ADSL: variants seen among roughly 807,000 people sequenced by gnomAD.
The protein encoded by ADSL is adenylosuccinate lyase.
In ADSL, 44 loss-of-function variants were observed where a neutral mutation model predicts 62.1. The ratio of observed to expected loss-of-function variants is 0.71; its 90% CI spans 0.56 to 0.91. The LOEUF (loss-of-function observed/expected upper bound fraction) is 0.91, where lower values mean the gene tolerates loss of function less well. Ranked by LOEUF, ADSL falls within the 40% of genes least tolerant of loss-of-function variation. The probability of loss-of-function intolerance (pLI) is 0.00; values close to 1 mark genes in which losing one functional copy is unlikely to be tolerated. For missense variants in ADSL, 531 were observed against 627.4 expected (o/e 0.85, Z 1.64); for synonymous variants, 198 against 220.5 (o/e 0.90, Z 0.90).
chr22:40,370,995 C>G (rs1432710354), downstream of ADSL, among the ~76,000 whole-genome samples: 1 of 152,214 alleles, frequency 6.6e-6, no homozygotes, highest in Non-Finnish European at 1.5e-5. Flanking sequence ...GCGCTGGCAG[C>G]CGGGAGCGGT....
intron 2 of ADSL, among the ~76,000 whole-genome samples, chr22:40,352,534 G>GA (rs771223049): frequency 4.7e-5 from 7 of 150,046 alleles, no homozygotes; most frequent in Non-Finnish European, 3.0e-5. Flanking sequence ...ATCTTAAAAA[G>GA]AAAAAAAAAG....
intron 7 of ADSL, among the ~76,000 whole-genome samples, chr22:40,360,752 C>T (rs1334116155): frequency 6.9e-6 from 1 of 144,948 alleles, no homozygotes; most frequent in Non-Finnish European, 1.5e-5. Flanking sequence ...GATGGAGTTT[C>T]GCTCTTGTTG....
chr22:40,375,192 T>G (rs2046346850), intron 2 of ADSL, among the ~76,000 whole-genome samples: 2 of 152,198 alleles, frequency 1.3e-5, no homozygotes, highest in African/African-American at 4.8e-5. Context: ...TTTGTATTTG[T>G]TTTTCTCTCT....
At position 40,350,032 on chromosome 22, in the gene ADSL, T is replaced by C. The variant is rs1285710537; in HGVS notation, c.354T>C (p.Asn118=). The change falls in exon 2 of 13, where the codon AAT becomes AAC. Residue 118 remains asparagine (N), a synonymous_variant. Transcript: ENST00000623063. ...CTACTTCTTGCTATGTTGGAGACAATACTGTAGGCGCCTGTGTTGTTTATA... is the reference window on the plus strand; with the variant it reads ...CTACTTCTTGCTATGTTGGAGACAACACTGTAGGCGCCTGTGTTGTTTATA... ...LGATSCYVGD[N]TDLIILRNAL... is the part of the protein sequence containing the mutation. 1.2e-6 allele frequency: 2 copies of C among 1,613,430 alleles called. No homozygotes were observed. The highest frequency in any genetic ancestry group is 1.3e-5 in the African/African-American group (1 of 74,910).
intron 11 of ADSL, 148 bp from the exon 12 acceptor site, chr22:40,364,732 G>A (rs974789829): frequency 4.9e-6 from 4 of 821,166 alleles, no homozygotes; most frequent in Non-Finnish European, 6.1e-6. Flanking sequence ...GAAGACCCTG[G>A]TACAGATAGA....
intron 1 of ADSL, 79 bp downstream of exon 1, chr22:40,346,790 G>T: frequency 6.2e-6 from 9 of 1,459,204 alleles, no homozygotes; most frequent in Non-Finnish European, 8.3e-6. Flanking sequence ...TTCCGGGCTG[G>T]GCTTAGCCAC....
Position 40,366,564 on chromosome 22 carries a change from G to C in ADSL, c.*42G>C. 1 of 1,454,216 alleles carries C rather than the reference G, an allele frequency of 6.9e-7. No individual in the cohort carries two copies. Among genetic ancestry groups the C allele is most frequent in the Non-Finnish European group, 9.7e-7 (1 of 1,034,954 alleles). 90.1% of individuals were successfully genotyped at this position (1,454,216 alleles called of 1,614,324 possible). On this transcript the variant is annotated 3_prime_UTR_variant, in exon 13 of 13. Coordinates refer to ENST00000623063, the MANE Select transcript of ADSL (RefSeq NM_000026.4). ...AACGAAAATCATTGTTAATTGCTGA[G>C]GCATGAAAATTGTGTTACTATAATG...
chr22:40,371,763 C>T (rs991504439), downstream of ADSL, among the ~76,000 whole-genome samples: 1 of 151,884 alleles, frequency 6.6e-6, no homozygotes, highest in African/African-American at 2.4e-5. Flanking sequence ...ATGACATGAT[C>T]TCGGCTCACT....
intron 2 of ADSL, among the ~76,000 whole-genome samples, chr22:40,350,771 A>G (rs925837922): frequency 5.3e-5 from 8 of 151,434 alleles, no homozygotes; most frequent in Admixed American, 5.3e-4. Flanking sequence ...CGCGCCTGCC[A>G]CCACGCCGCC....
Position 40,361,836 on chromosome 22 carries a change from G to A in ADSL, c.1010+201G>A, listed in dbSNP as rs1440348379. 2.0e-5 allele frequency among the ~76,000 whole-genome samples: 3 copies of A among 152,250 alleles called. 1 individual carries two copies. Among genetic ancestry groups the A allele is most frequent in the African/African-American group, 7.2e-5 (3 of 41,474 alleles). On this transcript the variant is annotated intron_variant, in intron 9 of 12. Coordinates refer to ENST00000623063, the MANE Select transcript of ADSL (RefSeq NM_000026.4). ...TGTGTACTGGGTACTGTGGAGCAAA[G>A]AGGAAGGAATAGTGTTTGAGGAGTC...
At chr22:40,351,473 A>G (rs1305285220) in intron 2 of ADSL, among the ~76,000 whole-genome samples, 3 of 151,222 alleles carry the variant, frequency 2.0e-5, no homozygotes, top group African/African-American at 7.3e-5. Context: ...CGCCTGGCAA[A>G]TTTTTAAAAT....
chr22:40,382,841 C>A (rs575191701), intron 2 of ADSL, among the ~76,000 whole-genome samples: 14 of 152,142 alleles, frequency 9.2e-5, no homozygotes, highest in Admixed American at 2.6e-4. Context: ...TACCTATTAT[C>A]CTAATTTTAC....
rs2146653095 is a variant in ADSL, at chr22:40,358,752, C to T, written c.483-112C>T. ...TCTTTACCAGTTACTCCCTCTCTTACTTAAATTGTTCTCCCTCCAAGGGGT... is the reference window on the plus strand; with the variant it reads ...TCTTTACCAGTTACTCCCTCTCTTATTTAAATTGTTCTCCCTCCAAGGGGT... On this transcript the variant is annotated intron_variant, in intron 4 of 12. Transcript: ENST00000623063. 1.1e-5 allele frequency: 11 copies of T among 984,722 alleles called. No individual in the cohort carries two copies. The South Asian group carries it at 1.3e-4, about 11-fold the overall frequency. The allele number at this position is 984,722 out of a possible 1,614,324, so 61.0% of individuals were successfully genotyped here.
downstream of ADSL, among the ~76,000 whole-genome samples, chr22:40,369,656 C>T (rs949055562): frequency 6.6e-6 from 1 of 151,926 alleles, no homozygotes; most frequent in African/African-American, 2.4e-5. Flanking sequence ...GCACACACAA[C>T]CACACGTGGT....
At chr22:40,383,405 C>T (rs1401538481) in intron 2 of ADSL, among the ~76,000 whole-genome samples, 2 of 149,594 alleles carry the variant, frequency 1.3e-5, no homozygotes, top group Non-Finnish European at 3.0e-5. Flanking sequence ...AGGTGGAGCT[C>T]GCAGTGAGCC....
intron 2 of ADSL, among the ~76,000 whole-genome samples, chr22:40,374,907 C>G (rs2046300794): frequency 6.6e-6 from 1 of 152,146 alleles, no homozygotes; most frequent in African/African-American, 2.4e-5. Context: ...TGTACCAGTA[C>G]TATCAGTAGT....
At chr22:40,375,885 C>A (rs12168664) in intron 2 of ADSL, among the ~76,000 whole-genome samples, 1 of 151,960 alleles carries the variant, frequency 6.6e-6, no homozygotes, top group East Asian at 1.9e-4. Context: ...AAAAAAATTT[C>A]TAAAAATTAA....
chr22:40,378,755 A>T (rs1476023734), intron 2 of ADSL, among the ~76,000 whole-genome samples: 2 of 151,780 alleles, frequency 1.3e-5, no homozygotes, highest in Non-Finnish European at 2.9e-5. Context: ...CAATAATAAT[A>T]ATCTAATGGG....
At chr22:40,353,384 C>A in intron 3 of ADSL, 1 of 702,490 alleles carries the variant, frequency 1.4e-6, no homozygotes. Flanking sequence ...CCTCCGCCTC[C>A]CAGGCTCAGA....
Sources: gnomAD v4.1 joint callset for allele counts (sites outside exome capture counted in the v4.1 genomes callset) on GRCh38, gnomAD v4.1.1 for gene constraint, MANE v1.5 for transcripts, NCBI Gene and HGNC (gene_info 2026-07-23, HGNC 2026-07-21) for gene names.